The following MID1 variants were observed in gnomAD, a reference collection of about 807,000 sequenced individuals.
MID1 encodes E3 ubiquitin-protein ligase Midline-1.
MID1 carries 7 observed loss-of-function variants against 40.4 expected under a neutral mutation model. The observed-to-expected ratio is 0.17, with a 90% CI of 0.10 to 0.33. The LOEUF is 0.33. Ranked by LOEUF, MID1 falls within the 10% of genes least tolerant of loss-of-function variation. The pLI is 1.00. For synonymous variants in MID1, 229 were observed against 221.2 expected, an observed-to-expected ratio of 1.04 and a Z score of -0.31; for missense variants, 367 against 558.5, an observed-to-expected ratio of 0.66 and a Z score of 3.46.
At chrX:10,820,841 C>G (rs191821179) in intron 1 of MID1, among the ~76,000 whole-genome samples, 12 of 112,529 alleles carry the variant, frequency 1.1e-4, no homozygotes, top group Admixed American at 9.4e-4. Context: ...TAATTCATCA[C>G]TAACACACCG....
chrX:10,638,007 A>G (rs1486076039), intron 1 of MID1, among the ~76,000 whole-genome samples: 1 of 112,063 alleles, frequency 8.9e-6, no homozygotes, highest in African/African-American at 3.2e-5. Context: ...CGGCAAATAC[A>G]CTCGGGAAGT....
chrX:10,600,809 T>C (rs1325816521), intron 1 of MID1, among the ~76,000 whole-genome samples: 1 of 112,513 alleles, frequency 8.9e-6, no homozygotes, highest in African/African-American at 3.2e-5. Flanking sequence ...AAAGATCATC[T>C]ATCTGGAAGT....
At chrX:10,582,116 G>A (rs1241007624) in intron 1 of MID1, among the ~76,000 whole-genome samples, 1 of 111,254 alleles carries the variant, frequency 9.0e-6, no homozygotes. Flanking sequence ...GAAGTCCTAC[G>A]GAGCATCCTA....
chrX:10,655,441 C>T (rs2042864149), intron 1 of MID1, among the ~76,000 whole-genome samples: 2 of 110,894 alleles, frequency 1.8e-5, no homozygotes, highest in South Asian at 7.8e-4. Flanking sequence ...AAAAGTGACC[C>T]GGACCTCCTG....
chrX:10,685,681 G>A (rs1372858828), intron 1 of MID1, among the ~76,000 whole-genome samples: 2 of 111,082 alleles, frequency 1.8e-5, no homozygotes, highest in African/African-American at 6.6e-5. Context: ...GTTTCTACAC[G>A]CTGTCCGTGC....
intron 1 of MID1, among the ~76,000 whole-genome samples, chrX:10,786,967 A>G (rs2043890010): frequency 9.1e-6 from 1 of 110,312 alleles, no homozygotes; most frequent in Non-Finnish European, 1.9e-5. Context: ...CCTAAAACTT[A>G]AAGTAAAAAA....
At chrX:10,824,285 C>A (rs1477789913) in intron 1 of MID1, among the ~76,000 whole-genome samples, 1 of 112,095 alleles carries the variant, frequency 8.9e-6, no homozygotes, top group Non-Finnish European at 1.9e-5. Flanking sequence ...GGTCTGGAAA[C>A]AGAAATTCTC....
At chrX:10,642,161 G>A in intron 1 of MID1, among the ~76,000 whole-genome samples, 1 of 111,620 alleles carries the variant, frequency 9.0e-6, no homozygotes, top group Non-Finnish European at 1.9e-5. Context: ...TGGAAGTTCT[G>A]GCCAGGGCAA....
intron 1 of MID1, among the ~76,000 whole-genome samples, chrX:10,722,001 C>T (rs1377181339): frequency 9.0e-6 from 1 of 111,186 alleles, no homozygotes; most frequent in African/African-American, 3.3e-5. Flanking sequence ...TCCAAACTGC[C>T]ACCAACATAG....
At chrX:10,481,037 C>T (rs1930292898) in intron 5 of MID1, among the ~76,000 whole-genome samples, 1 of 111,161 alleles carries the variant, frequency 9.0e-6, no homozygotes, top group Non-Finnish European at 1.9e-5. Context: ...TTTCCTAGGC[C>T]AGGGGTTGGC....
chrX:10,585,297 A>T (rs1034814427), intron 1 of MID1, among the ~76,000 whole-genome samples: 1 of 111,157 alleles, frequency 9.0e-6, no homozygotes, highest in African/African-American at 3.3e-5. Context: ...CCCCCCTTTG[A>T]GACTCTCACT....
In MID1 at chrX:10,593,354, G is replaced by A. The variant is rs183530728; in HGVS notation, c.-56-25751C>T. 6.5e-4 allele frequency among the ~76,000 whole-genome samples: 73 copies of A among 111,899 alleles called. 1 individual carries two copies. The highest frequency in any genetic ancestry group is 2.3e-3 in the African/African-American group (70 of 30,814). ...GAAAGCACTAGTGTTTAGTTTCCCA[G>A]TGGAACACAATGGCAGCTCAAGACT... On this transcript the variant is annotated intron_variant, in intron 1 of 9. Transcript: ENST00000317552.
rs59504136 is a variant in MID1, at chrX:10,557,025, A to G, written c.660+9863T>C. 1.8e-4 allele frequency among the ~76,000 whole-genome samples: 20 copies of G among 112,000 alleles called. No individual in the cohort carries two copies. In the East Asian group the frequency reaches 5.6e-3, roughly 31 times the overall value. On this transcript the variant is annotated intron_variant, in intron 2 of 9. Coordinates refer to ENST00000317552, the MANE Select transcript of MID1 (RefSeq NM_000381.4). Reference sequence around the variant, plus strand: ...AAGAAGGGAATTAGTGAGCCCATTAAGTTGCAACCACAATTCCTTTGTTTC... The same window carrying G: ...AAGAAGGGAATTAGTGAGCCCATTAGGTTGCAACCACAATTCCTTTGTTTC...
Position 10,785,629 on chromosome X carries a change from A to G in MID1, c.-187+47925T>C, listed in dbSNP as rs2043876930. On this transcript the variant is annotated intron_variant, in intron 1 of 10. Coordinates refer to the MID1 transcript ENST00000380785. Reference sequence around the variant, plus strand: ...GGTACCAAAACAGAGATATAGACCAATGGAACAGAACAGAGCCCTCAGAAA... The same window carrying G: ...GGTACCAAAACAGAGATATAGACCAGTGGAACAGAACAGAGCCCTCAGAAA... Among the ~76,000 whole-genome samples, 6 of 111,174 alleles carry G rather than the reference A, an allele frequency of 5.4e-5. No homozygotes were observed. In the South Asian group the frequency reaches 2.3e-3, roughly 43 times the overall value.
At chrX:10,507,457 CAA>C (rs1297004741) in intron 3 of MID1, among the ~76,000 whole-genome samples, 12 of 112,455 alleles carry the variant, frequency 1.1e-4, no homozygotes, top group African/African-American at 2.6e-4. Context: ...AGACCACAAA[CAA>C]GAGGAATTCT....
chrX:10,736,124 G>A (rs1212477528), intron 1 of MID1, among the ~76,000 whole-genome samples: 2 of 111,492 alleles, frequency 1.8e-5, no homozygotes, highest in African/African-American at 6.5e-5. Context: ...GACTACCGGC[G>A]CCTGCCACCA....
intron 1 of MID1, among the ~76,000 whole-genome samples, chrX:10,808,799 T>C (rs866462953): frequency 3.8e-4 from 43 of 111,959 alleles, no homozygotes; most frequent in Admixed American, 1.7e-3. Flanking sequence ...AAGACTTAAA[T>C]GTAAGACCTA....
At chrX:10,540,936 G>A (rs1400170410) in intron 2 of MID1, among the ~76,000 whole-genome samples, 1 of 112,056 alleles carries the variant, frequency 8.9e-6, no homozygotes, top group Non-Finnish European at 1.9e-5. Flanking sequence ...AAACAATTTG[G>A]CACTTTGGTT....
chrX:10,647,344 G>C (rs1232922498), intron 1 of MID1, among the ~76,000 whole-genome samples: 2 of 111,312 alleles, frequency 1.8e-5, no homozygotes, highest in Non-Finnish European at 3.8e-5. Flanking sequence ...TTCTATAGAA[G>C]GGGAATTGCT....
Sources: allele counts gnomAD v4.1 joint callset (sites outside exome capture counted in the v4.1 genomes callset), GRCh38; gene constraint gnomAD v4.1.1; transcripts MANE v1.5; gene names NCBI Gene and HGNC (gene_info 2026-07-23, HGNC 2026-07-21).